LIN7A: variants seen among roughly 807,000 people sequenced by gnomAD.
LIN7A encodes the protein lin-7 cell polarity scaffold A.
A neutral mutation model predicts 29.8 loss-of-function variants in LIN7A; 25 were observed. The observed-to-expected ratio is 0.84, with a 90% confidence interval of 0.61 to 1.17. The LOEUF (loss-of-function observed/expected upper bound fraction) is 1.17, where lower values mean the gene tolerates loss of function less well. Among genes scored for constraint, LIN7A ranks in the 50% most tolerant of loss-of-function variants. The probability of loss-of-function intolerance (pLI) is 0.00; values close to 1 mark genes in which losing one functional copy is unlikely to be tolerated. For synonymous variants in LIN7A, 118 were observed against 107.5 expected (o/e 1.10, Z -0.60); for missense variants, 239 against 287.0 (o/e 0.83, Z 1.21).
At chr12:80,926,292 G>A (rs1877577668) in intron 1 of LIN7A, among the ~76,000 whole-genome samples, 1 of 152,128 alleles carries the variant, frequency 6.6e-6, no homozygotes, top group Admixed American at 6.5e-5. Flanking sequence ...ATGACATACA[G>A]AAGGCATTCA....
At chr12:80,924,340 A>G (rs1021010781) in intron 1 of LIN7A, among the ~76,000 whole-genome samples, 1 of 152,242 alleles carries the variant, frequency 6.6e-6, no homozygotes, top group African/African-American at 2.4e-5. Flanking sequence ...ATCCATATGT[A>G]TCTAAATCTG....
chr12:80,862,132 CA>C (rs1320052088), intron 2 of LIN7A, among the ~76,000 whole-genome samples: 3 of 152,258 alleles, frequency 2.0e-5, no homozygotes, highest in African/African-American at 7.2e-5. Context: ...ATAACTGTCT[CA>C]ACTATCACCA....
Position 80,845,939 on chromosome 12 carries a change from C to T in LIN7A, c.274G>A (p.Ala92Thr). 6.5e-7 allele frequency: 1 copy of T among 1,546,864 alleles called. No individual in the cohort carries two copies. The highest frequency in any genetic ancestry group is 8.7e-7 in the Non-Finnish European group (1 of 1,153,874). Residue 92 changes from alanine (A) to threonine (T), a missense_variant and splice_region_variant, in exon 4 of 6, where the codon GCA (alanine) becomes ACA (threonine). Transcript: ENST00000552864. ...PEFRARATAK[A>T]TVAAFAASEG... is the part of the protein sequence containing the mutation. Reference sequence around the variant, plus strand: ...CTAGCTGCAAAAGCTGCAACTGTTGCCTGAAAAAAAAAAAAAAAGATGGTC... The same window carrying T: ...CTAGCTGCAAAAGCTGCAACTGTTGTCTGAAAAAAAAAAAAAAAGATGGTC...
In LIN7A at chr12:80,869,151, T is replaced by TAAATAA. The variant is rs3072373; in HGVS notation, c.201+20099_201+20100insTTATTT. On this transcript the variant is annotated intron_variant, in intron 2 of 5. Coordinates refer to ENST00000552864, the MANE Select transcript of LIN7A (RefSeq NM_004664.4). ...AGTATCTAATAAATAAATAAATAAA[T>TAAATAA]ATATATATATATATATTTATGTGTG... Among the ~76,000 whole-genome samples the TAAATAA allele has an allele frequency of 9.0e-3, 1,307 of 145,064 alleles. 15 individuals are homozygous for TAAATAA. Among genetic ancestry groups the TAAATAA allele is most frequent in the African/African-American group, 0.025 (976 of 39,468 alleles).
At chr12:80,872,798 A>G (rs184254045) in intron 2 of LIN7A, among the ~76,000 whole-genome samples, 185 of 152,354 alleles carry the variant, frequency 1.2e-3, no homozygotes, top group African/African-American at 4.3e-3. Context: ...TGTCCCATAT[A>G]TGAAGAGATC....
At chr12:80,812,677 G>A (rs1297858830) in intron 4 of LIN7A, among the ~76,000 whole-genome samples, 4 of 151,860 alleles carry the variant, frequency 2.6e-5, no homozygotes, top group Admixed American at 2.0e-4. Context: ...TCAGCCTCTC[G>A]AGTAGCTGGG....
At chr12:80,930,226 A>G (rs531528857) in intron 1 of LIN7A, among the ~76,000 whole-genome samples, 11 of 152,370 alleles carry the variant, frequency 7.2e-5, no homozygotes, top group Middle Eastern at 3.4e-3. Flanking sequence ...ATAGGTAGAT[A>G]CTTGAATATA....
chr12:80,823,056 A>G (rs1871889297), intron 4 of LIN7A, among the ~76,000 whole-genome samples: 1 of 152,220 alleles, frequency 6.6e-6, no homozygotes, highest in Admixed American at 6.5e-5. Context: ...ACCAGTCTGC[A>G]GAGAGGAGCT....
intron 4 of LIN7A, among the ~76,000 whole-genome samples, chr12:80,829,057 A>G (rs1350068908): frequency 6.6e-6 from 1 of 152,224 alleles, no homozygotes; most frequent in African/African-American, 2.4e-5. Context: ...CATAAGGATC[A>G]TGAGAGGAAA....
intron 1 of LIN7A, among the ~76,000 whole-genome samples, chr12:80,926,927 C>CAAA (rs35483715): frequency 7.2e-4 from 40 of 55,846 alleles, no homozygotes; most frequent in Admixed American, 9.7e-4. Context: ...GACTCCATCT[C>CAAA]AAAAAAAAAA....
At chr12:80,915,699 A>G (rs1876998491) in intron 1 of LIN7A, among the ~76,000 whole-genome samples, 1 of 152,268 alleles carries the variant, frequency 6.6e-6, no homozygotes. Flanking sequence ...GCCATAAAAA[A>G]GAACAAAATC....
At chr12:80,799,140 A>G (rs1870598395) in intron 5 of LIN7A, among the ~76,000 whole-genome samples, 1 of 152,222 alleles carries the variant, frequency 6.6e-6, no homozygotes, top group Non-Finnish European at 1.5e-5. Context: ...TCATCTATCC[A>G]GGGCAGGAGT....
At chr12:80,891,882 G>A (rs750990688) in intron 1 of LIN7A, among the ~76,000 whole-genome samples, 2 of 152,130 alleles carry the variant, frequency 1.3e-5, no homozygotes, top group African/African-American at 4.8e-5. Flanking sequence ...AATAAAAGGC[G>A]TTTATTATAG....
At chr12:80,933,744 G>A (rs1410766894) in intron 1 of LIN7A, among the ~76,000 whole-genome samples, 2 of 151,904 alleles carry the variant, frequency 1.3e-5, no homozygotes, top group Admixed American at 1.3e-4. Context: ...CTGCAACTTT[G>A]CCTCCTCACT....
intron 3 of LIN7A, among the ~76,000 whole-genome samples, chr12:80,846,751 T>A (rs1295854998): frequency 6.6e-6 from 1 of 152,228 alleles, no homozygotes; most frequent in Non-Finnish European, 1.5e-5. Context: ...GTTTTAAAAT[T>A]CATGTACTGA....
At chr12:80,820,783 C>A (rs995734395) in intron 4 of LIN7A, among the ~76,000 whole-genome samples, 2 of 152,098 alleles carry the variant, frequency 1.3e-5, no homozygotes, top group Non-Finnish European at 2.9e-5. Flanking sequence ...TGGGTTTCAC[C>A]CAGGAAGCAG....
intron 5 of LIN7A, among the ~76,000 whole-genome samples, chr12:80,808,111 T>G (rs1871128458): frequency 6.6e-6 from 1 of 152,164 alleles, no homozygotes; most frequent in South Asian, 2.1e-4. Flanking sequence ...CTCTAACTAC[T>G]CTGGCTTTCT....
At chr12:80,914,057 T>C (rs1247296913) in intron 1 of LIN7A, among the ~76,000 whole-genome samples, 2 of 152,172 alleles carry the variant, frequency 1.3e-5, no homozygotes, top group African/African-American at 4.8e-5. Context: ...CCTCTTTGAC[T>C]TTTTTCCTTT....
chr12:80,855,279 G>A (rs1873541392), intron 2 of LIN7A, among the ~76,000 whole-genome samples: 1 of 152,118 alleles, frequency 6.6e-6, no homozygotes, highest in Non-Finnish European at 1.5e-5. Context: ...ATTATAGTGT[G>A]CATTAAGCCT....
Sources: gnomAD v4.1 joint callset for allele counts (sites outside exome capture counted in the v4.1 genomes callset) on GRCh38, gnomAD v4.1.1 for gene constraint, MANE v1.5 for transcripts, NCBI Gene and HGNC (gene_info 2026-07-23, HGNC 2026-07-21) for gene names.